The following ATP6V1H variants were observed in gnomAD, a reference collection of about 807,000 sequenced individuals.
ATP6V1H encodes V-type proton ATPase subunit H.
In ATP6V1H, 39 loss-of-function variants were observed where a neutral mutation model predicts 71.7. The observed-to-expected ratio is 0.54, with a 90% CI of 0.42 to 0.71. The LOEUF (loss-of-function observed/expected upper bound fraction) is 0.71. Ranked by LOEUF, ATP6V1H falls within the 30% of genes least tolerant of loss-of-function variation. The probability of loss-of-function intolerance (pLI) is 0.00; values close to 1 mark genes in which losing one functional copy is unlikely to be tolerated. For missense variants in ATP6V1H, 509 were observed against 594.9 expected, an observed-to-expected ratio of 0.86 and a Z score of 1.50; for synonymous variants, 192 against 199.3, an observed-to-expected ratio of 0.96 and a Z score of 0.31.
At position 53,841,465 on chromosome 8, in the gene ATP6V1H, T is replaced by C. The variant is rs561608542; in HGVS notation, c.113+113A>G. The C allele has an allele frequency of 5.1e-5, 64 of 1,248,150 alleles. No homozygotes were observed. In the African/African-American group the frequency reaches 9.5e-4, roughly 19 times the overall value. The allele number at this position is 1,248,150 out of a possible 1,614,324, so 77.3% of individuals were successfully genotyped here. On this transcript the variant is annotated intron_variant, in intron 2 of 13. Transcript: ENST00000359530. ...CTAATTATTCTGAAGAGGAAGTGTT[T>C]CTTCCACATTTTTCAGTATTTTCCC...
chr8:53,782,899 A>G (rs1176701550), intron 9 of ATP6V1H, among the ~76,000 whole-genome samples: 7 of 151,660 alleles, frequency 4.6e-5, no homozygotes, highest in African/African-American at 1.5e-4. Flanking sequence ...AGCCCACTTG[A>G]TCATGGTGGA....
intron 13 of ATP6V1H, among the ~76,000 whole-genome samples, chr8:53,718,865 C>T (rs1380370185): frequency 6.6e-6 from 1 of 152,206 alleles, no homozygotes; most frequent in African/African-American, 2.4e-5. Flanking sequence ...AAGGGTCCAA[C>T]TAAGAACCTG....
chr8:53,792,269 AT>A (rs1217890689), intron 9 of ATP6V1H, among the ~76,000 whole-genome samples: 1 of 152,212 alleles, frequency 6.6e-6, no homozygotes, highest in Non-Finnish European at 1.5e-5. Context: ...TGATTTTTAC[AT>A]GAAAAAGACT....
intron 4 of ATP6V1H, 27 bp downstream of exon 4, chr8:53,829,417 A>G: frequency 6.6e-7 from 1 of 1,514,648 alleles, no homozygotes; most frequent in Non-Finnish European, 9.1e-7. Flanking sequence ...GAAGTCACCA[A>G]ATGTGTTAAG....
intron 8 of ATP6V1H, among the ~76,000 whole-genome samples, chr8:53,797,450 T>G (rs932978861): frequency 4.6e-5 from 7 of 152,110 alleles, no homozygotes; most frequent in African/African-American, 1.4e-4. Context: ...CTGGCTCCCC[T>G]CCCCAGAGTC....
At chr8:53,828,753 T>C (rs1043220578) in intron 4 of ATP6V1H, among the ~76,000 whole-genome samples, 6 of 152,152 alleles carry the variant, frequency 3.9e-5, no homozygotes, top group African/African-American at 1.4e-4. Flanking sequence ...TAAATGTTTT[T>C]TTCCTTATAA....
intron 9 of ATP6V1H, among the ~76,000 whole-genome samples, chr8:53,792,728 T>C (rs1027313163): frequency 2.0e-5 from 3 of 152,164 alleles, no homozygotes; most frequent in African/African-American, 7.2e-5. Flanking sequence ...TCCTTATCAA[T>C]AAAAATAGTA....
Position 53,749,743 on chromosome 8 carries a change from T to TAA in ATP6V1H, c.1278-6055_1278-6054dup, listed in dbSNP as rs200663259. 1.7e-3 allele frequency among the ~76,000 whole-genome samples: 237 copies of TAA among 137,730 alleles called. 1 individual carries two copies. Among genetic ancestry groups the TAA allele is most frequent in the Middle Eastern group, 0.011 (3 of 270 alleles). 90.4% of individuals were successfully genotyped at this position (137,730 alleles called of 152,430 possible). ...AGGTGGTTTAGATGCCAGACTCCTT[T>TAA]AAAAAAAAAAAAAAAAGTGTAGCTG... is the stretch of plus-strand genomic sequence containing the variant. On this transcript the variant is annotated intron_variant, in intron 12 of 13. Coordinates refer to ENST00000359530, the MANE Select transcript of ATP6V1H (RefSeq NM_015941.4).
At chr8:53,837,626 G>T (rs1045277336) in intron 2 of ATP6V1H, among the ~76,000 whole-genome samples, 3 of 152,166 alleles carry the variant, frequency 2.0e-5, no homozygotes, top group African/African-American at 7.2e-5. Context: ...GGTCCAAGGA[G>T]CTGAGGTTTG....
chr8:53,830,722 A>G (rs1810979187), intron 3 of ATP6V1H, among the ~76,000 whole-genome samples: 1 of 152,192 alleles, frequency 6.6e-6, no homozygotes. Context: ...TTACTAAGAA[A>G]CAGGTTTAAA....
At chr8:53,755,709 TA>T (rs1563450986) in intron 12 of ATP6V1H, among the ~76,000 whole-genome samples, 3 of 4,848 alleles carry the variant, frequency 6.2e-4, no homozygotes, top group African/African-American at 2.0e-3. Context: ...TATATATATA[TA>T]TATATATATA....
chr8:53,736,223 C>T (rs1479622621), intron 13 of ATP6V1H, among the ~76,000 whole-genome samples: 2 of 152,154 alleles, frequency 1.3e-5, no homozygotes, highest in Admixed American at 1.3e-4. Context: ...AGTCAAAGAA[C>T]CCAGACCCGT....
intron 13 of ATP6V1H, among the ~76,000 whole-genome samples, chr8:53,738,745 G>A (rs2376011): frequency 0.17 from 26,130 of 152,108 alleles, 3,701 homozygotes; most frequent in East Asian, 0.37. Context: ...ACAATCTGAG[G>A]TTTATGTTAT....
intron 11 of ATP6V1H, among the ~76,000 whole-genome samples, chr8:53,758,884 C>G (rs1438335044): frequency 1.3e-5 from 2 of 152,160 alleles, no homozygotes; most frequent in South Asian, 2.1e-4. Flanking sequence ...GGGACAGAAA[C>G]AAAATGGTTC....
intron 12 of ATP6V1H, among the ~76,000 whole-genome samples, chr8:53,750,648 G>T (rs1043035094): frequency 2.0e-5 from 3 of 152,014 alleles, no homozygotes; most frequent in Non-Finnish European, 4.4e-5. Context: ...AACCGACAAA[G>T]GTTACTGTTT....
chr8:53,745,974 T>G (rs1034954078), intron 12 of ATP6V1H, among the ~76,000 whole-genome samples: 1 of 152,204 alleles, frequency 6.6e-6, no homozygotes, highest in Non-Finnish European at 1.5e-5. Context: ...TTCTGGAACC[T>G]GTGAATAATG....
chr8:53,775,067 T>C (rs909925591), intron 9 of ATP6V1H, among the ~76,000 whole-genome samples: 2 of 152,234 alleles, frequency 1.3e-5, no homozygotes, highest in East Asian at 1.9e-4. Flanking sequence ...CCGGAGTTTG[T>C]TCCCTCTGAT....
intron 2 of ATP6V1H, among the ~76,000 whole-genome samples, chr8:53,840,219 C>T (rs1035231554): frequency 4.6e-5 from 7 of 152,130 alleles, no homozygotes; most frequent in Non-Finnish European, 8.8e-5. Context: ...GAATTAGAGC[C>T]GGGCACGGTG....
chr8:53,816,246 G>A (rs1218966806), intron 5 of ATP6V1H, among the ~76,000 whole-genome samples: 1 of 152,120 alleles, frequency 6.6e-6, no homozygotes, highest in Non-Finnish European at 1.5e-5. Context: ...GAGGGAGGGA[G>A]CAAGATAACA....
Sources: allele counts gnomAD v4.1 joint callset (sites outside exome capture counted in the v4.1 genomes callset), GRCh38; gene constraint gnomAD v4.1.1; transcripts MANE v1.5; gene names NCBI Gene and HGNC (gene_info 2026-07-23, HGNC 2026-07-21).